Variants in GABBR2 observed in about 807,000 individuals in gnomAD.
The protein encoded by GABBR2 is gamma-aminobutyric acid type B receptor subunit 2.
In GABBR2, 23 loss-of-function variants were observed where a neutral mutation model predicts 105.6. That is an observed-to-expected ratio of 0.22 (90% CI 0.16 to 0.31). The LOEUF (loss-of-function observed/expected upper bound fraction) is 0.31. Ranked by LOEUF, GABBR2 falls within the 10% of genes least tolerant of loss-of-function variation. The pLI, the probability that GABBR2 is intolerant of heterozygous loss-of-function variation, is 1.00. For missense variants in GABBR2, 734 were observed against 1,245.5 expected, an observed-to-expected ratio of 0.59 and a Z score of 6.18; for synonymous variants, 478 against 499.7, an observed-to-expected ratio of 0.96 and a Z score of 0.58.
chr9:98,423,468 T>G (rs1179160104), intron 7 of GABBR2, among the ~76,000 whole-genome samples: 2 of 152,248 alleles, frequency 1.3e-5, no homozygotes, highest in African/African-American at 2.4e-5. Flanking sequence ...TTTTTTCTTG[T>G]AAATTTGTTT....
chr9:98,530,071 A>G (rs1828036276), intron 3 of GABBR2, among the ~76,000 whole-genome samples: 1 of 152,218 alleles, frequency 6.6e-6, no homozygotes, highest in Non-Finnish European at 1.5e-5. Flanking sequence ...AGAATGTACC[A>G]GAATAGCTCT....
chr9:98,595,626 A>G (rs146660257), intron 1 of GABBR2, among the ~76,000 whole-genome samples: 41 of 60,996 alleles, frequency 6.7e-4, no homozygotes, highest in African/African-American at 2.3e-3. Flanking sequence ...GTTCTCTGCC[A>G]GGTCAGGAAA....
At chr9:98,688,127 T>C (rs337532) in intron 1 of GABBR2, among the ~76,000 whole-genome samples, 139,925 of 152,082 alleles carry the variant, frequency 0.92, 64,447 homozygotes, top group Middle Eastern at 0.96. Context: ...TCTTTTCACA[T>C]CTACTCCCTC....
intron 1 of GABBR2, among the ~76,000 whole-genome samples, chr9:98,667,761 T>G (rs1342437889): frequency 6.6e-6 from 1 of 152,226 alleles, no homozygotes; most frequent in Non-Finnish European, 1.5e-5. Flanking sequence ...TGGAGCCAGT[T>G]TCCCGAGAAA....
chr9:98,593,602 A>C (rs1829177655), intron 1 of GABBR2, among the ~76,000 whole-genome samples: 1 of 152,154 alleles, frequency 6.6e-6, no homozygotes. Context: ...TGAGTCCAGC[A>C]CTGGGCACAA....
chr9:98,360,537 C>T (rs935128884), intron 13 of GABBR2, among the ~76,000 whole-genome samples: 1 of 152,010 alleles, frequency 6.6e-6, no homozygotes. Flanking sequence ...CCTTTCCAGG[C>T]TCTGTTTCCT....
At chr9:98,681,994 G>C (rs770740571) in intron 1 of GABBR2, among the ~76,000 whole-genome samples, 22 of 152,120 alleles carry the variant, frequency 1.4e-4, no homozygotes, top group Non-Finnish European at 1.9e-4. Flanking sequence ...TCCCACTTTG[G>C]GGGGTGGAGA....
At chr9:98,655,757 G>A (rs1184004193) in intron 1 of GABBR2, among the ~76,000 whole-genome samples, 5 of 152,116 alleles carry the variant, frequency 3.3e-5, no homozygotes, top group African/African-American at 7.2e-5. Flanking sequence ...AACACCGCAC[G>A]TTCTCACTCA....
At chr9:98,652,169 T>A (rs1232180375) in intron 1 of GABBR2, among the ~76,000 whole-genome samples, 2 of 152,202 alleles carry the variant, frequency 1.3e-5, no homozygotes, top group African/African-American at 4.8e-5. Context: ...ATTATCTTTG[T>A]TCTCAAGGGC....
At chr9:98,349,891 T>G (rs1270497731) in intron 13 of GABBR2, among the ~76,000 whole-genome samples, 1 of 152,174 alleles carries the variant, frequency 6.6e-6, no homozygotes, top group Non-Finnish European at 1.5e-5. Flanking sequence ...GGCTTTTCTT[T>G]GTTGGGAGAC....
intron 13 of GABBR2, among the ~76,000 whole-genome samples, chr9:98,318,303 G>C (rs1830754523): frequency 6.6e-6 from 1 of 152,206 alleles, no homozygotes; most frequent in Non-Finnish European, 1.5e-5. Flanking sequence ...AGGCCTTAAA[G>C]GATTTGAAAC....
chr9:98,686,675 C>T (rs144713128), intron 1 of GABBR2, among the ~76,000 whole-genome samples: 97 of 152,252 alleles, frequency 6.4e-4, no homozygotes, highest in African/African-American at 2.1e-3. Flanking sequence ...GGATTACAGG[C>T]CTGAGCCACT....
chr9:98,402,460 C>A (rs1048333601), intron 8 of GABBR2, among the ~76,000 whole-genome samples: 1 of 152,122 alleles, frequency 6.6e-6, no homozygotes, highest in African/African-American at 2.4e-5. Flanking sequence ...GGTGTGTGCC[C>A]AACAGGATGC....
intron 1 of GABBR2, among the ~76,000 whole-genome samples, chr9:98,651,139 G>GTTTTT (rs55727456): frequency 7.7e-6 from 1 of 129,568 alleles, no homozygotes; most frequent in Admixed American, 8.0e-5. Flanking sequence ...ACACACACTG[G>GTTTTT]TTTTTTTTTT....
intron 2 of GABBR2, among the ~76,000 whole-genome samples, chr9:98,549,537 G>T (rs1413876678): frequency 6.6e-6 from 1 of 152,170 alleles, no homozygotes; most frequent in African/African-American, 2.4e-5. Flanking sequence ...GTGGTGTGAA[G>T]GTTTTTAAGG....
At chr9:98,701,192 A>G (rs1830826138) in intron 1 of GABBR2, among the ~76,000 whole-genome samples, 1 of 152,220 alleles carries the variant, frequency 6.6e-6, no homozygotes, top group Non-Finnish European at 1.5e-5. Flanking sequence ...ATACACAAAG[A>G]AGGTCCCTTT....
chr9:98,528,495 T>C (rs7021802), intron 3 of GABBR2, among the ~76,000 whole-genome samples: 15,493 of 152,146 alleles, frequency 0.1, 947 homozygotes, highest in African/African-American at 0.16. Context: ...AATTTTTCAA[T>C]AGATCAACTA....
At chr9:98,623,756 T>C (rs544791618) in intron 1 of GABBR2, among the ~76,000 whole-genome samples, 1 of 152,350 alleles carries the variant, frequency 6.6e-6, no homozygotes, top group Admixed American at 6.5e-5. Context: ...GATCCCTGTG[T>C]TACTTTCAGA....
chr9:98,565,366 G>A (rs903263393), intron 2 of GABBR2, among the ~76,000 whole-genome samples: 8 of 152,188 alleles, frequency 5.3e-5, no homozygotes, highest in African/African-American at 1.9e-4. Context: ...CAGGCCTTAT[G>A]AGCCCAGGGA....
Sources: allele counts gnomAD v4.1 joint callset (sites outside exome capture counted in the v4.1 genomes callset), GRCh38; gene constraint gnomAD v4.1.1; transcripts MANE v1.5; gene names NCBI Gene and HGNC (gene_info 2026-07-23, HGNC 2026-07-21).